Variants in MRPL48 observed in about 807,000 individuals in gnomAD.
The protein encoded by MRPL48 is mitochondrial ribosomal protein L48.
In MRPL48, 16 loss-of-function variants were observed where a neutral mutation model predicts 32.9. That is an observed-to-expected ratio of 0.49 (90% CI 0.33 to 0.74). MRPL48 has a LOEUF of 0.74. MRPL48 is among the 30% of genes least tolerant of loss of function. MRPL48 has a pLI of 0.02. For synonymous variants in MRPL48, 94 were observed against 89.2 expected, an observed-to-expected ratio of 1.05 and a Z score of -0.31; for missense variants, 206 against 245.3, an observed-to-expected ratio of 0.84 and a Z score of 1.07.
At chr11:73,808,591 A>G (rs1947502588) in intron 3 of MRPL48, among the ~76,000 whole-genome samples, 1 of 152,146 alleles carries the variant, frequency 6.6e-6, no homozygotes, top group Non-Finnish European at 1.5e-5. Context: ...ATCTTTGGCT[A>G]TTTCTCTGTA....
chr11:73,788,021 C>CGGGGAGATGGTGGACGGTGCAGAGA (rs748247031), intron 1 of MRPL48, 29 bp downstream of exon 1: 9 of 1,581,296 alleles, frequency 5.7e-6, no homozygotes, highest in Admixed American at 1.7e-5. Flanking sequence ...ACGCGGGGCG[C>CGGGGAGATGGTGGACGGTGCAGAGA]GGGGAGATGG....
Position 73,803,164 on chromosome 11 carries a change from G to T in MRPL48, c.22-1863G>T, listed in dbSNP as rs560925041. ...ATTTTTTGAGACAGAGTCTTGCTCT[G>T]TTGCCCAGACTGGAGTGCAATGGTA... On this transcript the variant is annotated intron_variant, in intron 1 of 7. Transcript: ENST00000310614. Among the ~76,000 whole-genome samples, 3 of 152,166 alleles carry T rather than the reference G, an allele frequency of 2.0e-5. No homozygotes were observed. The East Asian group carries it at 5.8e-4, about 29-fold the overall frequency.
intron 4 of MRPL48, among the ~76,000 whole-genome samples, chr11:73,827,522 TC>T (rs1315459468): frequency 2.0e-5 from 3 of 152,122 alleles, no homozygotes; most frequent in Admixed American, 6.5e-5. Flanking sequence ...CAGAGGATTT[TC>T]TTTTGGGGTG....
intron 4 of MRPL48, among the ~76,000 whole-genome samples, chr11:73,834,533 T>A (rs1948054998): frequency 6.7e-6 from 1 of 150,020 alleles, no homozygotes; most frequent in Non-Finnish European, 1.5e-5. Flanking sequence ...TGCTGGTTTT[T>A]TTTTTTGTTT....
intron 4 of MRPL48, among the ~76,000 whole-genome samples, chr11:73,838,391 A>G (rs1241527476): frequency 6.6e-6 from 1 of 152,148 alleles, no homozygotes; most frequent in Non-Finnish European, 1.5e-5. Flanking sequence ...AGGTAGATCT[A>G]GGCCAACATG....
At chr11:73,789,283 A>G (rs1391689595) in intron 1 of MRPL48, 2 of 152,234 alleles carry the variant, frequency 1.3e-5, no homozygotes, top group Non-Finnish European at 2.9e-5. Flanking sequence ...TTATTTTTCA[A>G]GGAATACTAT....
intron 4 of MRPL48, among the ~76,000 whole-genome samples, chr11:73,834,543 T>TA (rs1399996671): frequency 6.6e-6 from 1 of 151,126 alleles, no homozygotes; most frequent in East Asian, 1.9e-4. Flanking sequence ...TTTTTTTGTT[T>TA]TTTTTTTTGA....
At chr11:73,828,387 G>A (rs1175581944) in intron 4 of MRPL48, among the ~76,000 whole-genome samples, 1 of 151,954 alleles carries the variant, frequency 6.6e-6, no homozygotes, top group Admixed American at 6.6e-5. Context: ...ACCACACCCA[G>A]CTAGTTTTTG....
intron 6 of MRPL48, among the ~76,000 whole-genome samples, chr11:73,862,067 C>A (rs1948593575): frequency 6.6e-6 from 1 of 152,152 alleles, no homozygotes. Context: ...GCGGGCGGAT[C>A]ACTTAAGGTG....
intron 3 of MRPL48, among the ~76,000 whole-genome samples, chr11:73,815,259 T>C (rs1238343844): frequency 2.6e-5 from 4 of 151,812 alleles, no homozygotes; most frequent in South Asian, 2.1e-4. Context: ...CTACTAAAAA[T>C]AGAAAAATTA....
chr11:73,798,540 G>A (rs879595512), intron 1 of MRPL48, among the ~76,000 whole-genome samples: 5 of 152,172 alleles, frequency 3.3e-5, no homozygotes, highest in African/African-American at 1.2e-4. Context: ...GGCACAAACC[G>A]TAGAAGTTAC....
At chr11:73,828,282 T>C (rs1225871415) in intron 4 of MRPL48, among the ~76,000 whole-genome samples, 1 of 150,686 alleles carries the variant, frequency 6.6e-6, no homozygotes, top group Non-Finnish European at 1.5e-5. Context: ...TGGAGTGCAG[T>C]GGTGCGATCT....
Position 73,810,005 on chromosome 11 carries a change from A to G in MRPL48, c.112+1655A>G, listed in dbSNP as rs190555213. 2.0e-4 allele frequency among the ~76,000 whole-genome samples: 30 copies of G among 152,366 alleles called. No individual in the cohort carries two copies. In the East Asian group the frequency reaches 5.6e-3, roughly 28 times the overall value. On this transcript the variant is annotated intron_variant, in intron 3 of 7. Coordinates refer to ENST00000310614, the MANE Select transcript of MRPL48 (RefSeq NM_016055.6). The stretch of plus-strand genomic sequence containing the variant: ...CATTCTCTTGACAAACATGTATCTT[A>G]CTAGACTGTGTGTTAGATGCTGGTG...
At chr11:73,792,149 A>G (rs147773326) in intron 1 of MRPL48, among the ~76,000 whole-genome samples, 1 of 152,368 alleles carries the variant, frequency 6.6e-6, no homozygotes, top group East Asian at 1.9e-4. Context: ...GAAGGAGTTC[A>G]GCAGGGTGGA....
At chr11:73,792,770 A>T (rs566139515) in intron 1 of MRPL48, among the ~76,000 whole-genome samples, 5 of 152,236 alleles carry the variant, frequency 3.3e-5, no homozygotes, top group Non-Finnish European at 7.3e-5. Context: ...CCTAAGGTAC[A>T]TATTGTTTCA....
chr11:73,795,260 A>G (rs1947234575), intron 1 of MRPL48, among the ~76,000 whole-genome samples: 1 of 151,410 alleles, frequency 6.6e-6, no homozygotes, highest in Admixed American at 6.6e-5. Flanking sequence ...ACAGGGTTTC[A>G]CCATGTTGGC....
chr11:73,800,797 CT>C (rs1156317119), intron 1 of MRPL48, among the ~76,000 whole-genome samples: 9 of 149,264 alleles, frequency 6.0e-5, no homozygotes, highest in African/African-American at 1.7e-4. Flanking sequence ...GTTGTCAACT[CT>C]TTTTTCTTTT....
chr11:73,832,651 A>T lies in MRPL48; in HGVS notation c.201+6855A>T, dbSNP rs538563585. On this transcript the variant is annotated intron_variant, in intron 4 of 7. Transcript: ENST00000310614. ...TCAGCTGAATCAACCCTGGCAATCA[A>T]TGGGGTGACAGATGTTGCAGCCAGA... 8 of 156,464 alleles carry T rather than the reference A, an allele frequency of 5.1e-5. No homozygotes were observed. The East Asian group carries it at 1.5e-3, about 30-fold the overall frequency. 9.7% of individuals were successfully genotyped at this position (156,464 alleles called of 1,614,324 possible).
chr11:73,823,395 TAC>T (rs542262143), intron 3 of MRPL48, among the ~76,000 whole-genome samples: 2 of 152,152 alleles, frequency 1.3e-5, no homozygotes, highest in Non-Finnish European at 2.9e-5. Context: ...TACATATAGA[TAC>T]ACACACATAC....
Sources: gnomAD v4.1 joint callset for allele counts (sites outside exome capture counted in the v4.1 genomes callset) on GRCh38, gnomAD v4.1.1 for gene constraint, MANE v1.5 for transcripts, NCBI Gene and HGNC (gene_info 2026-07-23, HGNC 2026-07-21) for gene names.